BLTP3B: variants seen among roughly 807,000 people sequenced by gnomAD.
BLTP3B encodes bridge-like lipid transfer protein family member 3B, also known as UHRF1 (ICBP90) binding protein 1-like.
chr12:100,086,713 G>T, the BLTP3B span, among the ~76,000 whole-genome samples: 2 of 152,072 alleles, frequency 1.3e-5, no homozygotes, highest in Non-Finnish European at 2.9e-5. Context: ...CATAACAACC[G>T]CATTTGATAG....
the BLTP3B span, chr12:100,050,266 C>T: frequency 5.6e-6 from 9 of 1,611,054 alleles, no homozygotes; most frequent in East Asian, 8.9e-5. Flanking sequence ...ATCTTCCCCT[C>T]GGATGTCAAT....
chr12:100,042,200 T>A, the BLTP3B span, among the ~76,000 whole-genome samples: 1 of 152,286 alleles, frequency 6.6e-6, no homozygotes, highest in East Asian at 1.9e-4. Flanking sequence ...TTTAACACAA[T>A]CCCTATCAGA....
the BLTP3B span, among the ~76,000 whole-genome samples, chr12:100,096,573 C>T: frequency 1.6e-4 from 25 of 151,978 alleles, no homozygotes; most frequent in Admixed American, 1.3e-3. Context: ...AATACCAGCA[C>T]TTTGGGAGGT....
At chr12:100,140,647 G>A in the BLTP3B span, among the ~76,000 whole-genome samples, 26 of 136,728 alleles carry the variant, frequency 1.9e-4, 1 homozygote, top group Non-Finnish European at 3.2e-4. Flanking sequence ...AGAGGCTGCC[G>A]TGAGCCGAGA....
At chr12:100,085,365 T>C in the BLTP3B span, among the ~76,000 whole-genome samples, 2,343 of 151,918 alleles carry the variant, frequency 0.015, 61 homozygotes, top group African/African-American at 0.053. Flanking sequence ...AAAAGAAAAT[T>C]TACTCTATGA....
chr12:100,114,053 A>T, the BLTP3B span, among the ~76,000 whole-genome samples: 9 of 152,238 alleles, frequency 5.9e-5, no homozygotes, highest in Non-Finnish European at 1.3e-4. Context: ...TTAGTCACCT[A>T]GAAAGTAAAT....
chr12:100,105,493 G>C, the BLTP3B span, among the ~76,000 whole-genome samples: 1 of 152,132 alleles, frequency 6.6e-6, no homozygotes, highest in Non-Finnish European at 1.5e-5. Flanking sequence ...GCCACATGTA[G>C]AAGAATGAAA....
chr12:100,052,322 C>T, the BLTP3B span, among the ~76,000 whole-genome samples: 5 of 151,852 alleles, frequency 3.3e-5, no homozygotes, highest in African/African-American at 9.7e-5. Context: ...GGATTACAGG[C>T]GTGAGCCACT....
chr12:100,066,103 T>C, the BLTP3B span, among the ~76,000 whole-genome samples: 1 of 152,094 alleles, frequency 6.6e-6, no homozygotes, highest in South Asian at 2.1e-4. Flanking sequence ...TCCCCCAATA[T>C]TCACCAACCA....
chr12:100,051,302 T>G, the BLTP3B span: 2 of 1,286,530 alleles, frequency 1.6e-6, no homozygotes, highest in Non-Finnish European at 2.1e-6. Context: ...TTAACAAAAA[T>G]GGACTATCCC....
the BLTP3B span, among the ~76,000 whole-genome samples, chr12:100,094,102 G>A: frequency 1.2e-4 from 19 of 152,232 alleles, no homozygotes; most frequent in East Asian, 2.9e-3. Flanking sequence ...GAACTACAAT[G>A]ATTTGGGGAT....
chr12:100,138,866 TACAC>T, the BLTP3B span, among the ~76,000 whole-genome samples: 12,701 of 150,690 alleles, frequency 0.084, 683 homozygotes, highest in African/African-American at 0.14. Context: ...CACATACACA[TACAC>T]ACACACACAC....
chr12:100,136,222 AAAAC>A, the BLTP3B span, among the ~76,000 whole-genome samples: 2 of 152,114 alleles, frequency 1.3e-5, no homozygotes, highest in South Asian at 4.1e-4. Flanking sequence ...AAAAAAAAAA[AAAAC>A]ACCTCAAACC....
At chr12:100,057,832 T>C in the BLTP3B span, 3 of 1,358,828 alleles carry the variant, frequency 2.2e-6, no homozygotes, top group African/African-American at 4.5e-5. Context: ...AAAATATGTA[T>C]ATAGCATCCA....
At chr12:100,121,522 G>C in the BLTP3B span, among the ~76,000 whole-genome samples, 1 of 152,014 alleles carries the variant, frequency 6.6e-6, no homozygotes, top group Non-Finnish European at 1.5e-5. Context: ...ATGGTATTAT[G>C]ATTACATATA....
chr12:100,116,448 C>CACAAA, the BLTP3B span, among the ~76,000 whole-genome samples: 1 of 56,002 alleles, frequency 1.8e-5, no homozygotes, highest in Admixed American at 2.1e-4. Flanking sequence ...GATCCTGTCT[C>CACAAA]AAAAAAAAAA....
At chr12:100,087,394 A>C in the BLTP3B span, among the ~76,000 whole-genome samples, 1 of 152,250 alleles carries the variant, frequency 6.6e-6, no homozygotes, top group South Asian at 2.1e-4. Flanking sequence ...AATTTATCTC[A>C]ACTAGTAGAA....
At chr12:100,040,543 T>C in the BLTP3B span, among the ~76,000 whole-genome samples, 2 of 152,072 alleles carry the variant, frequency 1.3e-5, no homozygotes, top group East Asian at 3.9e-4. Context: ...TAACCAGGCA[T>C]GATGGTGCAC....
the BLTP3B span, among the ~76,000 whole-genome samples, chr12:100,042,566 A>G: frequency 1.3e-5 from 2 of 152,202 alleles, no homozygotes; most frequent in South Asian, 4.1e-4. Context: ...CTTAAAAGAA[A>G]ACATGAGAAA....
Sources: allele counts gnomAD v4.1 joint callset (sites outside exome capture counted in the v4.1 genomes callset), GRCh38; gene constraint gnomAD v4.1.1; transcripts MANE v1.5; gene names NCBI Gene and HGNC (gene_info 2026-07-23, HGNC 2026-07-21).